PPP1R14C: variants seen among roughly 807,000 people sequenced by gnomAD.
PPP1R14C encodes protein phosphatase 1 regulatory subunit 14C.
In PPP1R14C, 16 loss-of-function variants were observed where a neutral mutation model predicts 20.4. The ratio of observed to expected loss-of-function variants is 0.78; its 90% CI spans 0.53 to 1.19. The LOEUF is 1.19. PPP1R14C is among the 50% of genes most tolerant of loss of function. The probability of loss-of-function intolerance (pLI) is 0.00; values close to 1 mark genes in which losing one functional copy is unlikely to be tolerated. For missense variants in PPP1R14C, 211 were observed against 220.1 expected (o/e 0.96, Z 0.26); for synonymous variants, 91 against 91.0 (o/e 1.00, Z 0.00).
intron 3 of PPP1R14C, among the ~76,000 whole-genome samples, chr6:150,229,435 C>T (rs1374413096): frequency 6.6e-6 from 1 of 152,088 alleles, no homozygotes; most frequent in Non-Finnish European, 1.5e-5. Flanking sequence ...GATTCTGAGA[C>T]ACCAGTTAGT....
At chr6:150,173,728 C>G (rs954155291) in intron 1 of PPP1R14C, among the ~76,000 whole-genome samples, 1 of 152,078 alleles carries the variant, frequency 6.6e-6, no homozygotes, top group Non-Finnish European at 1.5e-5. Context: ...CGATGCCAGC[C>G]AGCGCTAGGA....
At chr6:150,164,222 A>G (rs1777401136) in intron 1 of PPP1R14C, among the ~76,000 whole-genome samples, 1 of 152,136 alleles carries the variant, frequency 6.6e-6, no homozygotes, top group South Asian at 2.1e-4. Flanking sequence ...AAGAGAAAAA[A>G]CAACAACTTT....
intron 1 of PPP1R14C, among the ~76,000 whole-genome samples, chr6:150,162,002 A>G (rs1408391923): frequency 2.0e-5 from 3 of 151,978 alleles, no homozygotes; most frequent in East Asian, 1.9e-4. Context: ...TGCACCCCCT[A>G]TAAATATCTC....
intron 1 of PPP1R14C, among the ~76,000 whole-genome samples, chr6:150,197,258 C>CCGCCTG (rs1777816201): frequency 6.7e-6 from 1 of 148,518 alleles, no homozygotes; most frequent in African/African-American, 2.6e-5. Context: ...GGCTCTGCTC[C>CCGCCTG]CGCCTGCGGC....
intron 1 of PPP1R14C, among the ~76,000 whole-genome samples, chr6:150,203,456 G>A (rs12215483): frequency 2.0e-5 from 3 of 152,102 alleles, no homozygotes; most frequent in Non-Finnish European, 4.4e-5. Flanking sequence ...GAGGCCTTGC[G>A]ATGGGATTCA....
chr6:150,248,637 A>G, intron 3 of PPP1R14C, 109 bp from the exon 4 acceptor site: 1 of 699,432 alleles, frequency 1.4e-6, no homozygotes. Flanking sequence ...CATTCAACCA[A>G]ATTCATCAAC....
chr6:150,186,315 A>G (rs947715060), intron 1 of PPP1R14C, among the ~76,000 whole-genome samples: 6 of 152,130 alleles, frequency 3.9e-5, no homozygotes, highest in Middle Eastern at 3.2e-3. Flanking sequence ...ATATAATTCC[A>G]CTGTTGGTCT....
At chr6:150,144,220 G>A (rs1449822418) in intron 1 of PPP1R14C, among the ~76,000 whole-genome samples, 1 of 152,208 alleles carries the variant, frequency 6.6e-6, no homozygotes, top group Admixed American at 6.5e-5. Context: ...CGGTGGAAGG[G>A]CGGGAGCCCT....
intron 1 of PPP1R14C, among the ~76,000 whole-genome samples, chr6:150,198,478 C>T (rs1777837030): frequency 6.6e-6 from 1 of 152,244 alleles, no homozygotes; most frequent in South Asian, 2.1e-4. Context: ...TGGCTTGTTC[C>T]CCTGCCAGAA....
At chr6:150,239,605 C>T (rs1176776553) in intron 3 of PPP1R14C, among the ~76,000 whole-genome samples, 2 of 152,090 alleles carry the variant, frequency 1.3e-5, no homozygotes, top group East Asian at 3.8e-4. Context: ...GGTGGGGGAA[C>T]ATATAGCAGT....
At chr6:150,179,496 G>T (rs950663266) in intron 1 of PPP1R14C, among the ~76,000 whole-genome samples, 1 of 152,094 alleles carries the variant, frequency 6.6e-6, no homozygotes, top group African/African-American at 2.4e-5. Context: ...GACAGCCCAG[G>T]TGTAGAGAGT....
rs532053548 is a variant in PPP1R14C at position 150,181,873 on chromosome 6, A to G, written c.307-32871A>G. ...AGGTTTTCTTTTTCATTGCTTCTCAAATTTGCCTTGAAATAGAATTACTTA... is the reference window on the plus strand; with the variant it reads ...AGGTTTTCTTTTTCATTGCTTCTCAGATTTGCCTTGAAATAGAATTACTTA... On this transcript the variant is annotated intron_variant, in intron 1 of 3. Coordinates refer to ENST00000361131, the MANE Select transcript of PPP1R14C (RefSeq NM_030949.3). Among the ~76,000 whole-genome samples, 6 of 152,278 alleles carry G rather than the reference A, an allele frequency of 3.9e-5. No homozygotes were observed. The South Asian group carries it at 1.2e-3, about 32-fold the overall frequency.
chr6:150,154,418 A>G (rs1777283503), intron 1 of PPP1R14C, among the ~76,000 whole-genome samples: 1 of 152,256 alleles, frequency 6.6e-6, no homozygotes, highest in Non-Finnish European at 1.5e-5. Context: ...CTGACCAGCT[A>G]GATGAGCTTG....
chr6:150,226,685 A>C (rs1366980673), intron 3 of PPP1R14C, among the ~76,000 whole-genome samples: 1 of 151,980 alleles, frequency 6.6e-6, no homozygotes, highest in East Asian at 1.9e-4. Context: ...GATAAACATC[A>C]GGTTTTTCTT....
At chr6:150,227,614 G>A (rs1328597360) in intron 3 of PPP1R14C, among the ~76,000 whole-genome samples, 1 of 152,104 alleles carries the variant, frequency 6.6e-6, no homozygotes, top group Non-Finnish European at 1.5e-5. Flanking sequence ...GCTGTCATGG[G>A]GTTTCCTCGA....
At position 150,198,467 on chromosome 6, in the gene PPP1R14C, A is replaced by G. The variant is rs190708602; in HGVS notation, c.307-16277A>G. Among the ~76,000 whole-genome samples, 11 of 152,370 alleles carry G rather than the reference A, an allele frequency of 7.2e-5. No individual in the cohort carries two copies. In the East Asian group the frequency reaches 1.7e-3, roughly 24 times the overall value. On this transcript the variant is annotated intron_variant, in intron 1 of 3. Coordinates refer to ENST00000361131, the MANE Select transcript of PPP1R14C (RefSeq NM_030949.3). ...TGCCCCTTGCTGAGGGAGGGTGTGC[A>G]TGGCTTGTTCCCCTGCCAGAATGTC...
intron 1 of PPP1R14C, among the ~76,000 whole-genome samples, chr6:150,167,943 G>GTTCTCCCCTTCTCTCCTCCCCCCT (rs1582900406): frequency 5.0e-4 from 5 of 9,976 alleles, no homozygotes; most frequent in Non-Finnish European, 7.7e-4. Context: ...CCATGTCTCC[G>GTTCTCCCCTTCTCTCCTCCCCCCT]TTCTCCCCTT....
intron 3 of PPP1R14C, among the ~76,000 whole-genome samples, chr6:150,226,034 A>G (rs528352113): frequency 6.8e-4 from 104 of 152,282 alleles, no homozygotes; most frequent in African/African-American, 2.4e-3. Context: ...GCTTCATCCT[A>G]TATGGGCCAC....
intron 3 of PPP1R14C, among the ~76,000 whole-genome samples, chr6:150,236,463 G>T (rs1214853233): frequency 6.6e-6 from 1 of 152,172 alleles, no homozygotes; most frequent in Non-Finnish European, 1.5e-5. Flanking sequence ...AGAGGTAGGG[G>T]CCCAGGAGTT....
Sources: gnomAD v4.1 joint callset for allele counts (sites outside exome capture counted in the v4.1 genomes callset) on GRCh38, gnomAD v4.1.1 for gene constraint, MANE v1.5 for transcripts, NCBI Gene and HGNC (gene_info 2026-07-23, HGNC 2026-07-21) for gene names.